LINGO2: variants seen among roughly 807,000 people sequenced by gnomAD.
The protein encoded by LINGO2 is leucine-rich repeat and immunoglobulin-like domain-containing nogo receptor-interacting protein 2.
A neutral mutation model predicts 30.6 loss-of-function variants in LINGO2; 14 were observed. The ratio of observed to expected loss-of-function variants is 0.46; its 90% CI spans 0.30 to 0.72. The LOEUF (loss-of-function observed/expected upper bound fraction) is 0.72. LINGO2 is among the 30% of genes least tolerant of loss of function. The probability of loss-of-function intolerance (pLI) is 0.07; values close to 1 mark genes in which losing one functional copy is unlikely to be tolerated. For missense variants in LINGO2, 729 were observed against 751.7 expected (o/e 0.97, Z 0.35); for synonymous variants, 317 against 288.5 (o/e 1.10, Z -1.00).
intron 4 of LINGO2, among the ~76,000 whole-genome samples, chr9:28,272,187 AC>A (rs1439726053): frequency 6.6e-6 from 1 of 151,816 alleles, no homozygotes. Flanking sequence ...TTGCCTACTG[AC>A]CCCATGCTGT....
chr9:28,911,637 A>G, the LINGO2 span, among the ~76,000 whole-genome samples: 1 of 152,144 alleles, frequency 6.6e-6, no homozygotes, highest in Non-Finnish European at 1.5e-5. Flanking sequence ...AGTTAAGTAC[A>G]TAACAAGTGA....
chr9:28,693,032 A>AT, the LINGO2 span, among the ~76,000 whole-genome samples: 3 of 151,912 alleles, frequency 2.0e-5, no homozygotes, highest in East Asian at 1.9e-4. Context: ...AAAAATTGTC[A>AT]TTTTTTTAAA....
the LINGO2 span, among the ~76,000 whole-genome samples, chr9:28,926,858 C>T: frequency 6.6e-6 from 1 of 152,076 alleles, no homozygotes; most frequent in Admixed American, 6.5e-5. Context: ...ACTTACACTC[C>T]CTGCCCACCT....
chr9:28,685,979 G>T, the LINGO2 span, among the ~76,000 whole-genome samples: 3 of 137,936 alleles, frequency 2.2e-5, no homozygotes, highest in Admixed American at 2.1e-4. Context: ...CATATATGAT[G>T]TGTGTGTGTG....
the LINGO2 span, among the ~76,000 whole-genome samples, chr9:28,739,128 CT>C: frequency 6.6e-6 from 1 of 151,864 alleles, no homozygotes; most frequent in South Asian, 2.1e-4. Context: ...TTATTTTTTA[CT>C]TGATAATACA....
chr9:28,556,564 A>T (rs1414771938), intron 1 of LINGO2, among the ~76,000 whole-genome samples: 3 of 152,116 alleles, frequency 2.0e-5, no homozygotes, highest in Non-Finnish European at 2.9e-5. Context: ...GAAAATGGCC[A>T]TACTGCCTAA....
the LINGO2 span, among the ~76,000 whole-genome samples, chr9:29,037,268 T>C: frequency 6.6e-6 from 1 of 151,878 alleles, no homozygotes; most frequent in South Asian, 2.1e-4. Context: ...ATCAATAGCT[T>C]TACTAAGAGT....
At chr9:27,959,083 A>T (rs888602101) in intron 5 of LINGO2, among the ~76,000 whole-genome samples, 9 of 152,104 alleles carry the variant, frequency 5.9e-5, no homozygotes, top group African/African-American at 1.2e-4. Flanking sequence ...GTTGTCATAA[A>T]CTTCCCTTAT....
intron 5 of LINGO2, among the ~76,000 whole-genome samples, chr9:27,981,033 T>C (rs954360546): frequency 2.0e-5 from 3 of 151,890 alleles, no homozygotes; most frequent in Non-Finnish European, 4.4e-5. Flanking sequence ...GAAATAACCC[T>C]GATGGATTTT....
the LINGO2 span, among the ~76,000 whole-genome samples, chr9:28,737,796 TTAAG>T: frequency 6.6e-6 from 1 of 152,034 alleles, no homozygotes; most frequent in African/African-American, 2.4e-5. Context: ...ATAAAATTAG[TTAAG>T]TAAGAGAGTT....
the LINGO2 span, among the ~76,000 whole-genome samples, chr9:29,072,099 G>C: frequency 2.6e-5 from 4 of 152,012 alleles, no homozygotes; most frequent in South Asian, 8.3e-4. Context: ...GGGCAAACTT[G>C]GTAAAGTTAC....
chr9:28,851,705 G>A, the LINGO2 span, among the ~76,000 whole-genome samples: 2 of 151,776 alleles, frequency 1.3e-5, no homozygotes, highest in Non-Finnish European at 2.9e-5. Flanking sequence ...ATTTAATATA[G>A]TCCACAAGCA....
At chr9:29,081,282 C>T in the LINGO2 span, among the ~76,000 whole-genome samples, 181 of 152,218 alleles carry the variant, frequency 1.2e-3, 1 homozygote, top group African/African-American at 4.1e-3. Flanking sequence ...TCAACATACA[C>T]AAATCAATAA....
chr9:28,841,869 G>A, the LINGO2 span, among the ~76,000 whole-genome samples: 796 of 151,768 alleles, frequency 5.2e-3, 25 homozygotes, highest in African/African-American at 0.019. Context: ...AGAACAAAGG[G>A]CACCATACTA....
intron 2 of LINGO2, among the ~76,000 whole-genome samples, chr9:28,466,281 C>G (rs541298225): frequency 4.6e-5 from 7 of 152,134 alleles, no homozygotes; most frequent in African/African-American, 1.2e-4. Flanking sequence ...TACTATTCAG[C>G]CATAAAAAAG....
At chr9:28,618,951 G>C (rs558801402) in intron 1 of LINGO2, among the ~76,000 whole-genome samples, 1 of 152,228 alleles carries the variant, frequency 6.6e-6, no homozygotes, top group African/African-American at 2.4e-5. Flanking sequence ...AGATAAATGA[G>C]GCAAGATAAG....
the LINGO2 span, among the ~76,000 whole-genome samples, chr9:28,742,741 CTT>C: frequency 6.8e-6 from 1 of 146,616 alleles, no homozygotes; most frequent in African/African-American, 2.8e-5. Context: ...TTGATTAACC[CTT>C]TTTGATTAAC....
chr9:28,150,063 G>A (rs1280120609), intron 4 of LINGO2, among the ~76,000 whole-genome samples: 5 of 151,624 alleles, frequency 3.3e-5, no homozygotes, highest in Admixed American at 3.3e-4. Flanking sequence ...GAGCGCCTCT[G>A]CCTGGCCACC....
intron 4 of LINGO2, among the ~76,000 whole-genome samples, chr9:28,288,757 T>A (rs1439350403): frequency 6.6e-6 from 1 of 152,192 alleles, no homozygotes; most frequent in Non-Finnish European, 1.5e-5. Flanking sequence ...ATTCTCAAGA[T>A]TTTATTTCAG....
Sources: allele counts gnomAD v4.1 joint callset (sites outside exome capture counted in the v4.1 genomes callset), GRCh38; gene constraint gnomAD v4.1.1; transcripts MANE v1.5; gene names NCBI Gene and HGNC (gene_info 2026-07-23, HGNC 2026-07-21).